Variants in POFUT3 observed in about 807,000 individuals in gnomAD.
POFUT3 encodes the protein protein O-fucosyltransferase 3, also known as GDP-fucose protein O-fucosyltransferase 3.
the POFUT3 span, among the ~76,000 whole-genome samples, chr8:33,346,602 C>T: frequency 2.0e-5 from 3 of 152,186 alleles, no homozygotes; most frequent in South Asian, 6.2e-4. Flanking sequence ...TTGGATGTTA[C>T]TCGATATTCC....
At chr8:33,324,641 G>A in the POFUT3 span, among the ~76,000 whole-genome samples, 2 of 152,008 alleles carry the variant, frequency 1.3e-5, no homozygotes, top group African/African-American at 2.4e-5. Context: ...GTTATTACAC[G>A]CAAAACACTT....
chr8:33,335,763 A>G, the POFUT3 span, among the ~76,000 whole-genome samples: 1 of 152,220 alleles, frequency 6.6e-6, no homozygotes, highest in Non-Finnish European at 1.5e-5. Context: ...AAAGTCAGCT[A>G]GAAAAAGAAA....
chr8:33,453,656 A>C, the POFUT3 span: 1 of 744,862 alleles, frequency 1.3e-6, no homozygotes, highest in Non-Finnish European at 2.2e-6. Flanking sequence ...AATAACACAA[A>C]TTTAAGCAAG....
the POFUT3 span, among the ~76,000 whole-genome samples, chr8:33,347,289 T>C: frequency 6.6e-6 from 1 of 152,246 alleles, no homozygotes; most frequent in Non-Finnish European, 1.5e-5. Context: ...TGATCATTTA[T>C]TTTATTCCCT....
the POFUT3 span, among the ~76,000 whole-genome samples, chr8:33,310,754 T>C: frequency 1.3e-5 from 2 of 151,924 alleles, no homozygotes; most frequent in African/African-American, 4.8e-5. Flanking sequence ...AGCTGTGCCA[T>C]TTCCATCTAT....
At chr8:33,407,432 T>C in the POFUT3 span, among the ~76,000 whole-genome samples, 2 of 152,196 alleles carry the variant, frequency 1.3e-5, no homozygotes, top group African/African-American at 4.8e-5. Context: ...TCTTAGTGCT[T>C]TCAAATACAT....
At chr8:33,465,389 C>CATAT in the POFUT3 span, among the ~76,000 whole-genome samples, 3,894 of 145,408 alleles carry the variant, frequency 0.027, 54 homozygotes, top group Admixed American at 0.035. Context: ...TGCCCAAGAT[C>CATAT]ATATATATAT....
At chr8:33,363,852 C>CT in the POFUT3 span, among the ~76,000 whole-genome samples, 6 of 152,280 alleles carry the variant, frequency 3.9e-5, no homozygotes, top group Non-Finnish European at 7.4e-5. Context: ...CAAGGAGGAG[C>CT]TAGTACCATT....
the POFUT3 span, among the ~76,000 whole-genome samples, chr8:33,378,422 C>A: frequency 6.6e-6 from 1 of 152,112 alleles, no homozygotes; most frequent in Non-Finnish European, 1.5e-5. Flanking sequence ...AGAAGTTACA[C>A]CACTGGGGAG....
chr8:33,348,152 C>G, the POFUT3 span, among the ~76,000 whole-genome samples: 1 of 133,004 alleles, frequency 7.5e-6, no homozygotes, highest in African/African-American at 2.9e-5. Flanking sequence ...ACCTCGGTGA[C>G]AGAGCAAGAC....
the POFUT3 span, among the ~76,000 whole-genome samples, chr8:33,399,746 T>G: frequency 7.4e-4 from 112 of 152,018 alleles, no homozygotes; most frequent in Non-Finnish European, 1.5e-3. Context: ...CCTCCCCTAC[T>G]GGGTTCAAGC....
chr8:33,408,111 G>A, the POFUT3 span, among the ~76,000 whole-genome samples: 1 of 151,774 alleles, frequency 6.6e-6, no homozygotes, highest in Non-Finnish European at 1.5e-5. Context: ...ATCACTTGAG[G>A]TCAGGAGTTT....
At chr8:33,464,883 A>G in the POFUT3 span, among the ~76,000 whole-genome samples, 3 of 152,242 alleles carry the variant, frequency 2.0e-5, no homozygotes, top group Non-Finnish European at 2.9e-5. Context: ...CATATGTAGT[A>G]CAGTTGTCAG....
the POFUT3 span, among the ~76,000 whole-genome samples, chr8:33,361,570 A>G: frequency 1.3e-5 from 2 of 152,222 alleles, no homozygotes; most frequent in Admixed American, 1.3e-4. Context: ...ATTTTGCTAA[A>G]GCATTTCTGT....
At chr8:33,352,137 T>C in the POFUT3 span, among the ~76,000 whole-genome samples, 1 of 152,350 alleles carries the variant, frequency 6.6e-6, no homozygotes, top group South Asian at 2.1e-4. Context: ...TGTGTCCTGC[T>C]GAGGGTGAAG....
chr8:33,360,011 A>C, the POFUT3 span, among the ~76,000 whole-genome samples: 1 of 152,004 alleles, frequency 6.6e-6, no homozygotes, highest in East Asian at 2.0e-4. Flanking sequence ...ATCTCAAAAA[A>C]AACCAAACCA....
chr8:33,344,400 G>A, the POFUT3 span, among the ~76,000 whole-genome samples: 3 of 152,160 alleles, frequency 2.0e-5, no homozygotes, highest in African/African-American at 7.2e-5. Context: ...ACGTATCGAT[G>A]GTTAATGAAT....
the POFUT3 span, among the ~76,000 whole-genome samples, chr8:33,449,862 A>G: frequency 2.0e-5 from 3 of 151,762 alleles, no homozygotes; most frequent in African/African-American, 4.8e-5. Context: ...AACGTTATCC[A>G]ACCCCAATAT....
chr8:33,398,206 A>G, the POFUT3 span, among the ~76,000 whole-genome samples: 1 of 152,238 alleles, frequency 6.6e-6, no homozygotes, highest in African/African-American at 2.4e-5. Flanking sequence ...CCCAATTATT[A>G]TTTTTTTGTT....
Sources: allele counts gnomAD v4.1 joint callset (sites outside exome capture counted in the v4.1 genomes callset), GRCh38; gene constraint gnomAD v4.1.1; transcripts MANE v1.5; gene names NCBI Gene and HGNC (gene_info 2026-07-23, HGNC 2026-07-21).